Variants in GUCY2C observed in about 807,000 individuals in gnomAD.
The protein encoded by GUCY2C is guanylyl cyclase C.
GUCY2C carries 118 observed loss-of-function variants against 131.1 expected under a neutral mutation model. The observed-to-expected ratio is 0.90, with a 90% CI of 0.78 to 1.05. GUCY2C has a LOEUF of 1.05. GUCY2C is among the 50% of genes least tolerant of loss of function. The pLI is 0.00. For synonymous variants in GUCY2C, 452 were observed against 457.8 expected (o/e 0.99, Z 0.16); for missense variants, 1,161 against 1,304.4 (o/e 0.89, Z 1.69).
chr12:14,689,779 T>C (rs1948543052), intron 1 of GUCY2C, among the ~76,000 whole-genome samples: 1 of 152,206 alleles, frequency 6.6e-6, no homozygotes, highest in Admixed American at 6.5e-5. Context: ...TGATTGTTTG[T>C]TCTCAATGAA....
chr12:14,651,326 ATT>A lies in GUCY2C; in HGVS notation c.1710+79_1710+80del, dbSNP rs776736976. The A allele has an allele frequency of 6.7e-5, 49 of 732,784 alleles. 1 individual carries two copies. Among genetic ancestry groups the A allele is most frequent in the Non-Finnish European group, 1.0e-4 (44 of 424,772 alleles). 45.4% of individuals were successfully genotyped at this position (732,784 alleles called of 1,614,324 possible). ...ACTTTCCCTGATTTTCTCTAATATT[ATT>A]TTACTCGGTAAATATTTTAAAAGGC... On this transcript the variant is annotated intron_variant, in intron 15 of 26. Transcript: ENST00000261170.
Position 14,674,830 on chromosome 12 carries a change from G to T in GUCY2C, c.949-70C>A, listed in dbSNP as rs180804958. ...ATCTTGTCTTGAGCCTAGAACAAAA[G>T]GTTGTTGGGATCAGCAGGGTTACTG... On this transcript the variant is annotated intron_variant, in intron 7 of 26. Transcript: ENST00000261170. The T allele has an allele frequency of 6.5e-6, 8 of 1,227,014 alleles. No homozygotes were observed. In the East Asian group the frequency reaches 7.0e-5, roughly 11 times the overall value. The allele number at this position is 1,227,014 out of a possible 1,614,324, so 76.0% of individuals were successfully genotyped here.
At chr12:14,645,462 CTG>C in intron 15 of GUCY2C, 147 bp from the exon 16 acceptor site, 1 of 575,076 alleles carries the variant, frequency 1.7e-6, no homozygotes, top group Non-Finnish European at 3.1e-6. Context: ...TTTCATGAAC[CTG>C]TGTTTTTTCC....
In GUCY2C at chr12:14,643,713, T is replaced by A. The variant is rs762645946; in HGVS notation, c.1798-7A>T. On this transcript the variant is annotated splice_region_variant and splice_polypyrimidine_tract_variant and intron_variant, in intron 16 of 26. Transcript: ENST00000261170. The stretch of plus-strand genomic sequence containing the variant: ...AGTGCAGATATGACATTCCCTGTAA[T>A]TTTTTAGATGATAGAAAAACAGAAA... The A allele has an allele frequency of 6.2e-7, 1 of 1,608,030 alleles. No homozygotes were observed. Among genetic ancestry groups the A allele is most frequent in the Non-Finnish European group, 8.5e-7 (1 of 1,177,190 alleles).
chr12:14,641,680 G>A (rs1388473677), intron 17 of GUCY2C, among the ~76,000 whole-genome samples: 1 of 152,092 alleles, frequency 6.6e-6, no homozygotes, highest in African/African-American at 2.4e-5. Context: ...GGCTTACGCT[G>A]GTAATCCCAG....
intron 6 of GUCY2C, among the ~76,000 whole-genome samples, chr12:14,678,192 A>G (rs950859024): frequency 9.8e-5 from 15 of 152,326 alleles, no homozygotes; most frequent in African/African-American, 3.6e-4. Context: ...CATTAATCCT[A>G]GAAGTACCCT....
rs139251359 is a variant in GUCY2C at position 14,652,163 on chromosome 12, A to ATATT, written c.1534-137_1534-134dup. The ATATT allele has an allele frequency of 7.6e-3, 1,565 of 206,094 alleles. 16 individuals carry two copies. Among genetic ancestry groups the ATATT allele is most frequent in the African/African-American group, 0.024 (1,031 of 43,786 alleles). The allele number at this position is 206,094 out of a possible 1,614,324, so 12.8% of individuals were successfully genotyped here. ...AGTGACAGTATTTGATTGATTTTTT[A>ATATT]TATTTATTTATTTATTTATTTATTT... is the stretch of plus-strand genomic sequence containing the variant. On this transcript the variant is annotated intron_variant, in intron 13 of 26. Coordinates refer to ENST00000261170, the MANE Select transcript of GUCY2C (RefSeq NM_004963.4).
At chr12:14,653,087 A>C in intron 12 of GUCY2C, 73 bp from the exon 13 acceptor site, 1 of 1,068,516 alleles carries the variant, frequency 9.4e-7, no homozygotes, top group South Asian at 1.2e-5. Flanking sequence ...AAAGGCTGAG[A>C]GGCTCTTCCA....
chr12:14,652,125 A>C (rs1200229528), intron 13 of GUCY2C, 95 bp from the exon 14 acceptor site: 12 of 524,926 alleles, frequency 2.3e-5, no homozygotes, highest in Non-Finnish European at 3.4e-5. Context: ...CTAGACTATA[A>C]ACTTTTGAGA....
chr12:14,620,266 G>T (rs1247093284), intron 23 of GUCY2C, among the ~76,000 whole-genome samples: 7 of 152,192 alleles, frequency 4.6e-5, no homozygotes, highest in African/African-American at 1.7e-4. Flanking sequence ...CTGAGTCTCA[G>T]CCAATCGCAG....
intron 9 of GUCY2C, among the ~76,000 whole-genome samples, chr12:14,671,193 A>T (rs564017558): frequency 6.6e-6 from 1 of 152,278 alleles, no homozygotes; most frequent in East Asian, 1.9e-4. Context: ...TGTTCTGGAC[A>T]GCAAAGTTAT....
Position 14,667,996 on chromosome 12 carries a change from TTTC to T in GUCY2C, c.1282+1723_1282+1725del, listed in dbSNP as rs1948015810. ...GCTCCATTTGTGAATATATAATAAT[TTTC>T]TTTTTTTTTTTTTTTTTTTTTTGAG... On this transcript the variant is annotated intron_variant, in intron 10 of 26. Coordinates refer to ENST00000261170, the MANE Select transcript of GUCY2C (RefSeq NM_004963.4). Among the ~76,000 whole-genome samples the T allele has an allele frequency of 2.3e-5, 3 of 127,900 alleles. No homozygotes were observed. The Admixed American group carries it at 3.1e-4, about 13-fold the overall frequency. The allele number at this position is 127,900 out of a possible 152,430, so 83.9% of individuals were successfully genotyped here. A position where few individuals can be genotyped will look rare whatever the true frequency, so the allele number is the denominator to read the frequency against.
chr12:14,648,218 C>A (rs1332509131), intron 15 of GUCY2C, among the ~76,000 whole-genome samples: 5 of 151,866 alleles, frequency 3.3e-5, no homozygotes, highest in African/African-American at 1.2e-4. Context: ...CCTCTGCCTC[C>A]CAAAGTGATG....
chr12:14,673,241 G>C (rs779017178), intron 8 of GUCY2C, among the ~76,000 whole-genome samples: 1 of 152,042 alleles, frequency 6.6e-6, no homozygotes, highest in Non-Finnish European at 1.5e-5. Flanking sequence ...TAAGTCCCTC[G>C]ATTATTAGTG....
intron 13 of GUCY2C, among the ~76,000 whole-genome samples, chr12:14,652,545 A>G (rs1278026679): frequency 6.6e-6 from 1 of 152,198 alleles, no homozygotes; most frequent in Non-Finnish European, 1.5e-5. Context: ...TGTTTCTTTA[A>G]GAATGACTAA....
chr12:14,687,799 G>A, intron 2 of GUCY2C, 152 bp downstream of exon 2: 1 of 600,882 alleles, frequency 1.7e-6, no homozygotes, highest in Non-Finnish European at 3.0e-6. Flanking sequence ...TAGGGGTAAA[G>A]CCAGAGTCTC....
chr12:14,639,855 T>A lies in GUCY2C; in HGVS notation c.2157+7A>T, dbSNP rs1418367135. The A allele has an allele frequency of 6.6e-7, 1 of 1,506,582 alleles. No individual in the cohort carries two copies. The allele number at this position is 1,506,582 out of a possible 1,614,324, so 93.3% of individuals were successfully genotyped here. ...CCAAGGAAATGAATACGGGAAGATA[T>A]ACTCACTTCTAGCTCTTTTTCCTCT... On this transcript the variant is annotated splice_region_variant and intron_variant, in intron 19 of 26. Coordinates refer to ENST00000261170, the MANE Select transcript of GUCY2C (RefSeq NM_004963.4).
chr12:14,646,590 A>G (rs900909316), intron 15 of GUCY2C, among the ~76,000 whole-genome samples: 4 of 152,230 alleles, frequency 2.6e-5, no homozygotes, highest in African/African-American at 9.7e-5. Flanking sequence ...TATAAAAAAG[A>G]AGAATATAAA....
At chr12:14,621,319 C>A in intron 22 of GUCY2C, 103 bp from the exon 23 acceptor site, 1 of 954,864 alleles carries the variant, frequency 1.0e-6, no homozygotes, top group South Asian at 1.5e-5. Flanking sequence ...GATTTGGGAA[C>A]ACAGTATGAG....
Sources: gnomAD v4.1 joint callset for allele counts (sites outside exome capture counted in the v4.1 genomes callset) on GRCh38, gnomAD v4.1.1 for gene constraint, MANE v1.5 for transcripts, NCBI Gene and HGNC (gene_info 2026-07-23, HGNC 2026-07-21) for gene names.